Variants in KLHDC1 observed in about 807,000 individuals in gnomAD.
KLHDC1 encodes the protein kelch domain containing 1.
A neutral mutation model predicts 68.3 loss-of-function variants in KLHDC1; 53 were observed. The observed-to-expected ratio is 0.78, with a 90% CI of 0.62 to 0.98. The LOEUF is 0.98. Ranked by LOEUF, KLHDC1 falls within the 50% of genes least tolerant of loss-of-function variation. The pLI is 0.00. For synonymous variants in KLHDC1, 148 were observed against 159.0 expected, an observed-to-expected ratio of 0.93 and a Z score of 0.52; for missense variants, 470 against 492.3, an observed-to-expected ratio of 0.95 and a Z score of 0.43.
intron 9 of KLHDC1, among the ~76,000 whole-genome samples, chr14:49,733,954 A>G (rs1888875448): frequency 6.6e-6 from 1 of 152,180 alleles, no homozygotes; most frequent in African/African-American, 2.4e-5. Flanking sequence ...GCACATTATT[A>G]TACTTCTCCA....
At chr14:49,695,120 G>GTGTGTGTGTGT (rs1887698834) in intron 1 of KLHDC1, among the ~76,000 whole-genome samples, 1 of 148,998 alleles carries the variant, frequency 6.7e-6, no homozygotes, top group Non-Finnish European at 1.5e-5. Flanking sequence ...GTTTTGATGT[G>GTGTGTGTGTGT]TGTGTGTGTG....
intron 4 of KLHDC1, among the ~76,000 whole-genome samples, chr14:49,713,663 A>T (rs1888267306): frequency 6.6e-6 from 1 of 150,986 alleles, no homozygotes; most frequent in Non-Finnish European, 1.5e-5. Flanking sequence ...AGGTAAGAGG[A>T]TCGCTTGGGG....
rs751849515 is a variant in KLHDC1, at chr14:49,743,846, TATG to T, written c.1034+44_1034+46del. On this transcript the variant is annotated intron_variant, in intron 12 of 12. Transcript: ENST00000359332. ...ATTTTCTATATATTTGCTATGAGTA[TATG>T]ATAATTTCTTTCTCATTTTTGGGAA... is the stretch of plus-strand genomic sequence containing the variant. 7.8e-6 allele frequency: 9 copies of T among 1,147,038 alleles called. No homozygotes were observed. In the African/African-American group the frequency reaches 1.3e-4, roughly 16 times the overall value. 71.1% of individuals were successfully genotyped at this position (1,147,038 alleles called of 1,614,324 possible).
chr14:49,706,578 A>G (rs1417313825), intron 1 of KLHDC1, among the ~76,000 whole-genome samples: 3 of 152,168 alleles, frequency 2.0e-5, no homozygotes, highest in Non-Finnish European at 4.4e-5. Flanking sequence ...TAGTAGTTGT[A>G]CTAATTTACA....
At chr14:49,717,409 T>C (rs1888407580) in intron 4 of KLHDC1, among the ~76,000 whole-genome samples, 1 of 152,220 alleles carries the variant, frequency 6.6e-6, no homozygotes, top group Non-Finnish European at 1.5e-5. Flanking sequence ...TAATAATAGT[T>C]ATACTAGCAG....
At chr14:49,704,173 G>T (rs1425798194) in intron 1 of KLHDC1, among the ~76,000 whole-genome samples, 1 of 152,026 alleles carries the variant, frequency 6.6e-6, no homozygotes, top group East Asian at 1.9e-4. Flanking sequence ...TGTGGTTTTT[G>T]TTTTCATTTC....
chr14:49,733,161 C>A (rs1318976034), intron 9 of KLHDC1, among the ~76,000 whole-genome samples: 1 of 152,106 alleles, frequency 6.6e-6, no homozygotes, highest in Non-Finnish European at 1.5e-5. Context: ...GTACTCCAGG[C>A]TAGGGGATTG....
Position 49,693,136 on chromosome 14 carries a change from G to T in KLHDC1, c.-59G>T. 2.0e-6 allele frequency: 3 copies of T among 1,469,628 alleles called. No homozygotes were observed. Among genetic ancestry groups the T allele is most frequent in the Non-Finnish European group, 2.8e-6 (3 of 1,085,108 alleles). The allele number at this position is 1,469,628 out of a possible 1,614,324, so 91.0% of individuals were successfully genotyped here. A position where few individuals can be genotyped will look rare whatever the true frequency, so the allele number is the denominator to read the frequency against. On this transcript the variant is annotated 5_prime_UTR_variant, in exon 1 of 13. Coordinates refer to ENST00000359332, the MANE Select transcript of KLHDC1 (RefSeq NM_172193.3). The stretch of plus-strand genomic sequence containing the variant: ...GCGTGGAGCAGTCGGGGCTGGAGGC[G>T]AGGCCGCCGGGCGGGCAGGGGTTGT...
chr14:49,723,827 C>G, intron 4 of KLHDC1, 47 bp from the exon 5 acceptor site: 1 of 1,121,272 alleles, frequency 8.9e-7, no homozygotes, highest in Non-Finnish European at 1.3e-6. Context: ...TATGAACAAA[C>G]TGGAAACAGA....
At chr14:49,749,937 G>T (rs1344600821) in intron 12 of KLHDC1, among the ~76,000 whole-genome samples, 1 of 152,084 alleles carries the variant, frequency 6.6e-6, no homozygotes, top group Non-Finnish European at 1.5e-5. Flanking sequence ...GCACACACCT[G>T]TAATAACAGC....
At chr14:49,750,229 C>A (rs4371082) in intron 12 of KLHDC1, among the ~76,000 whole-genome samples, 31,307 of 152,122 alleles carry the variant, frequency 0.21, 4,434 homozygotes, top group East Asian at 0.79. Flanking sequence ...TCTGGCCATG[C>A]CCCACTCGCG....
At chr14:49,697,073 AC>A (rs2139726094) in intron 1 of KLHDC1, among the ~76,000 whole-genome samples, 1 of 152,052 alleles carries the variant, frequency 6.6e-6, no homozygotes, top group African/African-American at 2.4e-5. Context: ...AGAAGCTGGG[AC>A]TACAGGCGTG....
At chr14:49,726,036 C>T (rs566498478) in intron 6 of KLHDC1, among the ~76,000 whole-genome samples, 26 of 152,092 alleles carry the variant, frequency 1.7e-4, no homozygotes, top group African/African-American at 5.1e-4. Flanking sequence ...TTAGTAGAGA[C>T]GGAATTTTGC....
chr14:49,733,894 A>G (rs1206076460), intron 9 of KLHDC1, among the ~76,000 whole-genome samples: 1 of 152,184 alleles, frequency 6.6e-6, no homozygotes, highest in Non-Finnish European at 1.5e-5. Context: ...CAAATTCCAG[A>G]GGTTAGTTGG....
intron 1 of KLHDC1, among the ~76,000 whole-genome samples, chr14:49,707,505 G>A (rs1029656736): frequency 6.6e-6 from 1 of 151,016 alleles, no homozygotes; most frequent in African/African-American, 2.4e-5. Flanking sequence ...GCACCACCAC[G>A]CCCAGCTAAT....
At chr14:49,705,842 A>AT (rs999138875) in intron 1 of KLHDC1, among the ~76,000 whole-genome samples, 2 of 152,008 alleles carry the variant, frequency 1.3e-5, no homozygotes, top group Non-Finnish European at 2.9e-5. Context: ...TGATTGAAAA[A>AT]TTTTTTTAAT....
chr14:49,735,402 C>T (rs1332339626), intron 10 of KLHDC1, among the ~76,000 whole-genome samples: 4 of 151,736 alleles, frequency 2.6e-5, no homozygotes, highest in Non-Finnish European at 5.9e-5. Flanking sequence ...AGTGTGTAAT[C>T]AATTTAATGA....
intron 8 of KLHDC1, among the ~76,000 whole-genome samples, chr14:49,731,717 C>A (rs1327947373): frequency 6.6e-6 from 1 of 151,964 alleles, no homozygotes; most frequent in Non-Finnish European, 1.5e-5. Flanking sequence ...GTTCTGTTTT[C>A]TTTTGTTTTA....
At chr14:49,743,630 T>C (rs1889121979) in intron 11 of KLHDC1, 123 bp from the exon 12 acceptor site, 1 of 610,546 alleles carries the variant, frequency 1.6e-6, no homozygotes. Context: ...TGTCAACAGC[T>C]AGAAAGATTT....
Sources: allele counts gnomAD v4.1 joint callset (sites outside exome capture counted in the v4.1 genomes callset), GRCh38; gene constraint gnomAD v4.1.1; transcripts MANE v1.5; gene names NCBI Gene and HGNC (gene_info 2026-07-23, HGNC 2026-07-21).